SHROOM3: variants seen among roughly 807,000 people sequenced by gnomAD.
SHROOM3 encodes protein Shroom3.
Under a neutral mutation model 138.6 loss-of-function variants are expected in SHROOM3, and 47 were observed. That is an observed-to-expected ratio of 0.34 (90% CI 0.27 to 0.43). SHROOM3 has a LOEUF of 0.43. SHROOM3 is among the 20% of genes least tolerant of loss of function. SHROOM3 has a pLI of 1.00. For synonymous variants in SHROOM3, 1,062 were observed against 1,063.3 expected (o/e 1.00, Z 0.02); for missense variants, 2,491 against 2,596.5 (o/e 0.96, Z 0.88).
intron 2 of SHROOM3, among the ~76,000 whole-genome samples, chr4:76,625,659 C>G (rs569804103): frequency 2.0e-5 from 3 of 152,182 alleles, no homozygotes; most frequent in Non-Finnish European, 4.4e-5. Context: ...CTCCAATCGC[C>G]GAGAACCATG....
At chr4:76,702,428 C>A (rs534166433) in intron 2 of SHROOM3, among the ~76,000 whole-genome samples, 24 of 152,198 alleles carry the variant, frequency 1.6e-4, no homozygotes, top group Non-Finnish European at 3.1e-4. Flanking sequence ...TATTGCCAGG[C>A]ACTGTTCTGA....
At chr4:76,443,199 A>G (rs1730733262) in intron 1 of SHROOM3, among the ~76,000 whole-genome samples, 1 of 152,204 alleles carries the variant, frequency 6.6e-6, no homozygotes, top group African/African-American at 2.4e-5. Context: ...ATTAATTTTG[A>G]TATTTCCTAT....
chr4:76,469,678 A>G (rs1731327342), intron 1 of SHROOM3, among the ~76,000 whole-genome samples: 1 of 152,174 alleles, frequency 6.6e-6, no homozygotes, highest in South Asian at 2.1e-4. Flanking sequence ...GCTGGTCACA[A>G]ACTCCTGAGC....
chr4:76,565,018 G>A (rs532561550), intron 2 of SHROOM3, among the ~76,000 whole-genome samples: 49 of 152,072 alleles, frequency 3.2e-4, no homozygotes, highest in African/African-American at 7.7e-4. Flanking sequence ...AAAATTAGCC[G>A]GGTGTGGTGG....
At chr4:76,706,698 T>C (rs561281826) in intron 2 of SHROOM3, among the ~76,000 whole-genome samples, 1 of 152,212 alleles carries the variant, frequency 6.6e-6, no homozygotes, top group Non-Finnish European at 1.5e-5. Flanking sequence ...ATCTGTACTT[T>C]ATTCATTCAA....
chr4:76,467,365 C>T (rs1731270283), intron 1 of SHROOM3, among the ~76,000 whole-genome samples: 1 of 152,022 alleles, frequency 6.6e-6, no homozygotes, highest in African/African-American at 2.4e-5. Flanking sequence ...ATCATTTTGT[C>T]AGTGAGTAAA....
intron 2 of SHROOM3, among the ~76,000 whole-genome samples, chr4:76,672,273 T>C (rs1718904291): frequency 1.3e-5 from 2 of 152,144 alleles, no homozygotes; most frequent in African/African-American, 2.4e-5. Context: ...GAAACTAAGG[T>C]AATATTTTCG....
At chr4:76,747,391 A>G (rs1239327017) in intron 5 of SHROOM3, among the ~76,000 whole-genome samples, 2 of 152,284 alleles carry the variant, frequency 1.3e-5, no homozygotes, top group Middle Eastern at 3.4e-3. Flanking sequence ...GATTGGGAAG[A>G]TATTTTCCTT....
chr4:76,746,066 C>G (rs933695739), intron 5 of SHROOM3, among the ~76,000 whole-genome samples: 6 of 152,136 alleles, frequency 3.9e-5, no homozygotes, highest in Non-Finnish European at 8.8e-5. Context: ...GAAGAAGGAA[C>G]CAAGTCACCA....
At position 76,667,966 on chromosome 4, in the gene SHROOM3, C is replaced by CAAAAAAAA. The variant is rs747974205; in HGVS notation, c.324-42171_324-42164dup. ...TGGGCGACAGAAGGAGACTCCCTCTCAAAAAAAAAAAAAAAAAAAAAAAAA... is the reference window on the plus strand; with the variant it reads ...TGGGCGACAGAAGGAGACTCCCTCTCAAAAAAAAAAAAAAAAAAAAAAAAAAAAAAAAA... On this transcript the variant is annotated intron_variant, in intron 2 of 10. Transcript: ENST00000296043. 2.3e-3 allele frequency among the ~76,000 whole-genome samples: 143 copies of CAAAAAAAA among 62,532 alleles called. 10 individuals are homozygous for CAAAAAAAA. Among genetic ancestry groups the CAAAAAAAA allele is most frequent in the African/African-American group, 5.4e-3 (83 of 15,454 alleles). 41.0% of individuals were successfully genotyped at this position (62,532 alleles called of 152,430 possible). A position where few individuals can be genotyped will look rare whatever the true frequency, so the allele number is the denominator to read the frequency against.
Position 76,754,973 on chromosome 4 carries a change from C to T in SHROOM3, c.4490C>T (p.Ser1497Phe). 6.2e-7 allele frequency: 1 copy of T among 1,614,084 alleles called. No homozygotes were observed. Among genetic ancestry groups the T allele is most frequent in the Non-Finnish European group, 8.5e-7 (1 of 1,179,954 alleles). The change falls in exon 7 of 11, where the codon TCC becomes TTC. Residue 1497 changes from serine (S) to phenylalanine (F), a missense_variant. Coordinates refer to ENST00000296043, the MANE Select transcript of SHROOM3 (RefSeq NM_020859.4). Reference protein sequence around the residue: ...LRISESVLRDSPPPHEDYEDE... With the variant: ...LRISESVLRDFPPPHEDYEDE... ...ATATCTGAGTCTGTCCTGCGGGACT[C>T]CCCGCCACCTCATGAGGATTATGAA...
At chr4:76,520,806 C>T (rs983805355) in intron 1 of SHROOM3, among the ~76,000 whole-genome samples, 2 of 152,220 alleles carry the variant, frequency 1.3e-5, no homozygotes, top group African/African-American at 4.8e-5. Context: ...GGAGCTCATC[C>T]ACTTCCTTAA....
intron 2 of SHROOM3, among the ~76,000 whole-genome samples, chr4:76,569,314 G>A (rs767809418): frequency 4.6e-5 from 7 of 152,162 alleles, no homozygotes; most frequent in Non-Finnish European, 7.3e-5. Flanking sequence ...ACTTTAGTAC[G>A]GGGTGGATGG....
chr4:76,534,028 A>G (rs10024176), intron 1 of SHROOM3, among the ~76,000 whole-genome samples: 34,841 of 152,098 alleles, frequency 0.23, 4,508 homozygotes, highest in East Asian at 0.53. Context: ...TATAAGGTTC[A>G]AGAGTCTATG....
At chr4:76,586,291 T>C (rs3796494) in intron 2 of SHROOM3, 212,676 of 985,524 alleles carry the variant, frequency 0.22, 23,313 homozygotes, top group East Asian at 0.27. Flanking sequence ...GTCTCAGCTC[T>C]GTCTTCCTCG....
Position 76,555,757 on chromosome 4 carries a change from T to A in SHROOM3, c.317T>A (p.Val106Glu). 1 of 1,612,816 alleles carries A rather than the reference T, an allele frequency of 6.2e-7. No individual in the cohort carries two copies. Among genetic ancestry groups the A allele is most frequent in the Non-Finnish European group, 8.5e-7 (1 of 1,179,964 alleles). ...TCCTACAAGACCCTCAGGCTGGTAG[T>A]GCGCAGGTAGGTGGCAGACCCCCAC... is the stretch of plus-strand genomic sequence containing the variant. ...KGSYKTLRLV[V>E]RRDVCTDPGH... Residue 106 changes from valine (V) to glutamate (E), a missense_variant, in exon 2 of 11, where the codon GTG (valine) becomes GAG (glutamate). Physicochemically the swap from Val to Glu is moderately radical, Grantham distance 121 (BLOSUM62 -2). Coordinates refer to ENST00000296043, the MANE Select transcript of SHROOM3 (RefSeq NM_020859.4).
At chr4:76,503,393 ATTC>A (rs1732141874) in intron 1 of SHROOM3, among the ~76,000 whole-genome samples, 1 of 152,106 alleles carries the variant, frequency 6.6e-6, no homozygotes, top group South Asian at 2.1e-4. Context: ...AGTAAATAGT[ATTC>A]TTTTTAAAAT....
chr4:76,762,873 CAAGAG>C (rs1248191160), intron 9 of SHROOM3, among the ~76,000 whole-genome samples: 2 of 151,962 alleles, frequency 1.3e-5, no homozygotes, highest in Non-Finnish European at 2.9e-5. Context: ...GTTCCTGACT[CAAGAG>C]AGTAGAGTCA....
intron 2 of SHROOM3, among the ~76,000 whole-genome samples, chr4:76,597,503 A>G (rs1734415601): frequency 1.3e-5 from 2 of 152,130 alleles, no homozygotes; most frequent in African/African-American, 4.8e-5. Context: ...ATAAACATTT[A>G]TGAGAGTAGA....
Sources: allele counts gnomAD v4.1 joint callset (sites outside exome capture counted in the v4.1 genomes callset), GRCh38; gene constraint gnomAD v4.1.1; transcripts MANE v1.5; gene names NCBI Gene and HGNC (gene_info 2026-07-23, HGNC 2026-07-21).